FRAS1: variants seen among roughly 807,000 people sequenced by gnomAD.
FRAS1 encodes extracellular matrix organizing protein FRAS1.
Under a neutral mutation model 435.2 loss-of-function variants are expected in FRAS1, and 290 were observed. The ratio of observed to expected loss-of-function variants is 0.67; its 90% CI spans 0.61 to 0.73. The LOEUF (loss-of-function observed/expected upper bound fraction) is 0.73. Among genes scored for constraint, FRAS1 ranks in the 30% least tolerant of loss-of-function variants. The probability of loss-of-function intolerance (pLI) is 0.00; values close to 1 mark genes in which losing one functional copy is unlikely to be tolerated. For synonymous variants in FRAS1, 1,800 were observed against 1,851.0 expected (o/e 0.97, Z 0.71); for missense variants, 4,860 against 5,001.5 (o/e 0.97, Z 0.85).
At chr4:78,417,351 AGTT>A (rs1733590822) in intron 32 of FRAS1, among the ~76,000 whole-genome samples, 2 of 152,168 alleles carry the variant, frequency 1.3e-5, no homozygotes, top group African/African-American at 4.8e-5. Flanking sequence ...GAGAATGTTC[AGTT>A]ATTATGATAG....
At chr4:78,484,815 A>G (rs1022163196) in intron 58 of FRAS1, among the ~76,000 whole-genome samples, 3 of 152,214 alleles carry the variant, frequency 2.0e-5, no homozygotes, top group Non-Finnish European at 4.4e-5. Flanking sequence ...AATGTCTAGT[A>G]TCTAGAGGAA....
intron 14 of FRAS1, among the ~76,000 whole-genome samples, chr4:78,307,212 G>T (rs1728780744): frequency 1.3e-5 from 2 of 152,246 alleles, no homozygotes; most frequent in East Asian, 1.9e-4. Flanking sequence ...TGAGGAGGCA[G>T]TCTGCCAGTT....
At chr4:78,362,413 G>A (rs1731105630) in intron 20 of FRAS1, among the ~76,000 whole-genome samples, 1 of 152,212 alleles carries the variant, frequency 6.6e-6, no homozygotes, top group East Asian at 1.9e-4. Context: ...AGCCTGCTGT[G>A]CTCAACCCCT....
intron 2 of FRAS1, among the ~76,000 whole-genome samples, chr4:78,105,434 T>C (rs998684560): frequency 2.1e-4 from 32 of 152,114 alleles, no homozygotes; most frequent in Admixed American, 2.6e-4. Flanking sequence ...AACGGCACAA[T>C]GAAAGGAGAG....
intron 63 of FRAS1, among the ~76,000 whole-genome samples, chr4:78,509,378 A>C (rs1230593337): frequency 1.3e-5 from 2 of 152,234 alleles, no homozygotes; most frequent in Admixed American, 1.3e-4. Context: ...AAAACTCCAG[A>C]TAGGCGCTGT....
intron 2 of FRAS1, among the ~76,000 whole-genome samples, chr4:78,178,811 G>C (rs980154414): frequency 6.6e-6 from 1 of 152,112 alleles, no homozygotes; most frequent in African/African-American, 2.4e-5. Flanking sequence ...CATAAAATTT[G>C]GGGAGACACT....
intron 2 of FRAS1, among the ~76,000 whole-genome samples, chr4:78,220,966 G>C (rs1263687202): frequency 6.6e-6 from 1 of 152,246 alleles, no homozygotes; most frequent in African/African-American, 2.4e-5. Context: ...TTAGGCATTT[G>C]AGACCAGTCT....
chr4:78,161,596 T>A (rs7698326), intron 2 of FRAS1, among the ~76,000 whole-genome samples: 37,252 of 151,392 alleles, frequency 0.25, 4,827 homozygotes, highest in African/African-American at 0.29. Context: ...CTTTATTACA[T>A]CTTTTATTAT....
intron 72 of FRAS1, among the ~76,000 whole-genome samples, chr4:78,538,863 G>A (rs1239521440): frequency 1.3e-5 from 2 of 151,680 alleles, no homozygotes; most frequent in Admixed American, 6.6e-5. Context: ...GCTGAGGCAG[G>A]AGAATGGCAT....
chr4:78,208,539 C>A (rs1202604636), intron 2 of FRAS1, among the ~76,000 whole-genome samples: 2 of 151,784 alleles, frequency 1.3e-5, no homozygotes, highest in Admixed American at 6.6e-5. Flanking sequence ...AAAAATGATA[C>A]AAGAAATGAG....
chr4:78,140,751 G>A (rs199570128), intron 2 of FRAS1, among the ~76,000 whole-genome samples: 27 of 94,698 alleles, frequency 2.9e-4, no homozygotes, highest in African/African-American at 4.0e-4. Flanking sequence ...ATGTATATAC[G>A]TGTGTGTATA....
At chr4:78,314,135 C>G (rs887708998) in intron 15 of FRAS1, among the ~76,000 whole-genome samples, 3 of 152,036 alleles carry the variant, frequency 2.0e-5, no homozygotes, top group African/African-American at 7.2e-5. Flanking sequence ...TGATGCTACC[C>G]AGGTCCTTGC....
At chr4:78,365,277 T>C (rs1337800667) in intron 22 of FRAS1, among the ~76,000 whole-genome samples, 1 of 152,214 alleles carries the variant, frequency 6.6e-6, no homozygotes. Context: ...ACAAACTTTT[T>C]TGGGCTAGTG....
intron 2 of FRAS1, among the ~76,000 whole-genome samples, chr4:78,073,098 T>C (rs1183498804): frequency 6.6e-6 from 1 of 152,212 alleles, no homozygotes; most frequent in Non-Finnish European, 1.5e-5. Context: ...TTTGTACCTT[T>C]AAGTGTCAGG....
At chr4:78,141,606 T>C (rs1483651005) in intron 2 of FRAS1, among the ~76,000 whole-genome samples, 2 of 152,184 alleles carry the variant, frequency 1.3e-5, no homozygotes, top group Admixed American at 6.5e-5. Context: ...AAACTGAGCA[T>C]AGCTTTTAGT....
Position 78,387,635 on chromosome 4 carries a change from A to C in FRAS1, c.3909A>C (p.Ala1303=). 2 of 1,607,710 alleles carry C rather than the reference A, an allele frequency of 1.2e-6. No homozygotes were observed. Among genetic ancestry groups the C allele is most frequent in the Non-Finnish European group, 1.7e-6 (2 of 1,175,584 alleles). ...HDGSDSTSDV[A]VLQANDGHSF... is the part of the protein sequence containing the mutation. ...GTTCAGACAGCACATCCGATGTTGC[A>C]GTCTTGCAGGCCAATGATGGACACT... The change falls in exon 29 of 74, where the codon GCA becomes GCC. Residue 1303 remains alanine, a synonymous_variant. Transcript: ENST00000512123.
At chr4:78,514,245 T>C (rs1358624959) in intron 65 of FRAS1, among the ~76,000 whole-genome samples, 1 of 152,218 alleles carries the variant, frequency 6.6e-6, no homozygotes, top group Non-Finnish European at 1.5e-5. Context: ...GGGCATGACC[T>C]TGGGCTGAGC....
At chr4:78,387,312 C>G in intron 28 of FRAS1, 63 bp from the exon 29 acceptor site, 1 of 1,177,642 alleles carries the variant, frequency 8.5e-7, no homozygotes, top group Non-Finnish European at 1.2e-6. Context: ...AATCAGGTAT[C>G]TAGTCCACTG....
intron 9 of FRAS1, among the ~76,000 whole-genome samples, chr4:78,273,774 TC>T (rs1392325861): frequency 6.6e-6 from 1 of 152,214 alleles, no homozygotes; most frequent in Admixed American, 6.5e-5. Flanking sequence ...TCTAAAATTC[TC>T]TTTTTTTGTA....
Sources: gnomAD v4.1 joint callset for allele counts (sites outside exome capture counted in the v4.1 genomes callset) on GRCh38, gnomAD v4.1.1 for gene constraint, MANE v1.5 for transcripts, NCBI Gene and HGNC (gene_info 2026-07-23, HGNC 2026-07-21) for gene names.